The following CTDSPL2 variants were observed in gnomAD, a reference collection of about 807,000 sequenced individuals.
The protein encoded by CTDSPL2 is CTD small phosphatase like 2, also known as CTD small phosphatase-like protein 2.
Under a neutral mutation model 60.0 loss-of-function variants are expected in CTDSPL2, and 5 were observed. The observed-to-expected ratio is 0.08, with a 90% confidence interval of 0.04 to 0.18. CTDSPL2 has a LOEUF of 0.18. CTDSPL2 is among the 10% of genes least tolerant of loss of function. The pLI is 1.00. For synonymous variants in CTDSPL2, 186 were observed against 189.3 expected, an observed-to-expected ratio of 0.98 and a Z score of 0.14; for missense variants, 370 against 548.8, an observed-to-expected ratio of 0.67 and a Z score of 3.26.
At chr15:44,441,621 G>A (rs2080088210) in intron 1 of CTDSPL2, among the ~76,000 whole-genome samples, 1 of 152,086 alleles carries the variant, frequency 6.6e-6, no homozygotes, top group Admixed American at 6.5e-5. Flanking sequence ...TACCTCAGGT[G>A]AGCCCGTGCT....
intron 2 of CTDSPL2, among the ~76,000 whole-genome samples, chr15:44,469,578 A>T (rs942249281): frequency 6.6e-6 from 1 of 152,154 alleles, no homozygotes; most frequent in African/African-American, 2.4e-5. Flanking sequence ...ATTCAAGAAT[A>T]TTAATATACT....
intron 1 of CTDSPL2, among the ~76,000 whole-genome samples, chr15:44,439,954 G>A (rs2080051596): frequency 6.6e-6 from 1 of 152,086 alleles, no homozygotes; most frequent in Non-Finnish European, 1.5e-5. Context: ...AAGAGTTTAT[G>A]TAGATTTGGT....
At chr15:44,469,458 G>A (rs2080761683) in intron 2 of CTDSPL2, among the ~76,000 whole-genome samples, 3 of 151,818 alleles carry the variant, frequency 2.0e-5, no homozygotes, top group African/African-American at 7.3e-5. Context: ...GTATTTAAAG[G>A]TATGAATTTT....
At chr15:44,490,643 A>ATTC (rs2081197867) in intron 4 of CTDSPL2, 141 bp from the exon 5 acceptor site, 3 of 645,410 alleles carry the variant, frequency 4.6e-6, no homozygotes, top group East Asian at 5.5e-5. Flanking sequence ...GCTAGCAAAG[A>ATTC]TTCTCTAAAA....
intron 1 of CTDSPL2, among the ~76,000 whole-genome samples, chr15:44,428,578 T>A (rs1476590252): frequency 6.6e-6 from 1 of 152,180 alleles, no homozygotes; most frequent in Non-Finnish European, 1.5e-5. Flanking sequence ...CCTAAAGAGA[T>A]CTAAGAGCTC....
chr15:44,492,888 A>AGTTCAGGGCTTTGGCTTCCT (rs1199710535), intron 5 of CTDSPL2, among the ~76,000 whole-genome samples: 1 of 152,182 alleles, frequency 6.6e-6, no homozygotes, highest in Non-Finnish European at 1.5e-5. Flanking sequence ...TATAGACTAA[A>AGTTCAGGGCTTTGGCTTCCT]GTTCAGGGCT....
chr15:44,429,368 C>T (rs1479308561), intron 1 of CTDSPL2, among the ~76,000 whole-genome samples: 7 of 152,242 alleles, frequency 4.6e-5, no homozygotes, highest in Non-Finnish European at 1.0e-4. Context: ...TTAAAGGGAT[C>T]TTAAATCATT....
At chr15:44,515,848 G>A (rs1316504298) in intron 10 of CTDSPL2, among the ~76,000 whole-genome samples, 1 of 152,004 alleles carries the variant, frequency 6.6e-6, no homozygotes, top group African/African-American at 2.4e-5. Context: ...ACTCCAGCCT[G>A]GGCAACAAGA....
At chr15:44,499,696 G>GT in intron 7 of CTDSPL2, 31 bp from the exon 8 acceptor site, 1 of 1,293,462 alleles carries the variant, frequency 7.7e-7, no homozygotes, top group East Asian at 2.3e-5. Context: ...TTACTATCTT[G>GT]TTTCATTCAA....
At chr15:44,448,281 A>G (rs537742753) in intron 1 of CTDSPL2, 6 of 284,190 alleles carry the variant, frequency 2.1e-5, no homozygotes, top group South Asian at 1.7e-4. Context: ...GCTGGATGCT[A>G]GAGGCCATTT....
intron 3 of CTDSPL2, among the ~76,000 whole-genome samples, chr15:44,485,616 T>A (rs1432389730): frequency 1.3e-5 from 2 of 152,220 alleles, no homozygotes; most frequent in African/African-American, 4.8e-5. Flanking sequence ...TTAATGCTTG[T>A]TCACCTCCTG....
intron 2 of CTDSPL2, among the ~76,000 whole-genome samples, chr15:44,480,811 C>T (rs1030490817): frequency 6.6e-6 from 1 of 151,024 alleles, no homozygotes; most frequent in Non-Finnish European, 1.5e-5. Flanking sequence ...CCAGTATGGG[C>T]GACAGAGACC....
intron 2 of CTDSPL2, among the ~76,000 whole-genome samples, chr15:44,460,525 T>G (rs567102209): frequency 6.6e-6 from 1 of 152,336 alleles, no homozygotes; most frequent in East Asian, 1.9e-4. Flanking sequence ...GGTAAATTTT[T>G]CATTATAATG....
At chr15:44,508,078 CT>C (rs1378208615) in intron 8 of CTDSPL2, among the ~76,000 whole-genome samples, 3 of 149,390 alleles carry the variant, frequency 2.0e-5, no homozygotes, top group African/African-American at 7.4e-5. Flanking sequence ...GCATCTCATT[CT>C]TTTTTTTTCT....
At chr15:44,472,274 CA>C (rs2140743383) in intron 2 of CTDSPL2, among the ~76,000 whole-genome samples, 1 of 152,248 alleles carries the variant, frequency 6.6e-6, no homozygotes, top group African/African-American at 2.4e-5. Context: ...GACTGTTTTC[CA>C]AAGTGGTTGC....
chr15:44,511,211 C>T (rs1335931374), intron 8 of CTDSPL2, among the ~76,000 whole-genome samples: 1 of 152,186 alleles, frequency 6.6e-6, no homozygotes, highest in Non-Finnish European at 1.5e-5. Context: ...TAAAGAAACA[C>T]TCTAGCAATA....
At chr15:44,433,330 G>GAAAAAAAAAAAA (rs1020559472) in intron 1 of CTDSPL2, among the ~76,000 whole-genome samples, 1 of 63,870 alleles carries the variant, frequency 1.6e-5, no homozygotes, top group Non-Finnish European at 3.4e-5. Flanking sequence ...CTGTCTCAAA[G>GAAAAAAAAAAAA]AAAAAAAAAA....
At chr15:44,465,636 A>G (rs1182387422) in intron 2 of CTDSPL2, among the ~76,000 whole-genome samples, 1 of 151,644 alleles carries the variant, frequency 6.6e-6, no homozygotes, top group African/African-American at 2.4e-5. Context: ...ACATGATTAG[A>G]TGAACATTTT....
intron 1 of CTDSPL2, chr15:44,448,051 A>G (rs753765830): frequency 2.5e-5 from 6 of 239,632 alleles, no homozygotes; most frequent in Non-Finnish European, 3.4e-5. Flanking sequence ...GTTGGCACCT[A>G]TGTGCTCCAG....
Sources: allele counts gnomAD v4.1 joint callset (sites outside exome capture counted in the v4.1 genomes callset), GRCh38; gene constraint gnomAD v4.1.1; transcripts MANE v1.5; gene names NCBI Gene and HGNC (gene_info 2026-07-23, HGNC 2026-07-21).